The following SPPL3 variants were observed in gnomAD, a reference collection of about 807,000 sequenced individuals.
SPPL3 encodes signal peptide peptidase-like 3.
In SPPL3, 5 loss-of-function variants were observed where a neutral mutation model predicts 42.4. That is an observed-to-expected ratio of 0.12 (90% CI 0.06 to 0.25). SPPL3 has a LOEUF of 0.25. Among genes scored for constraint, SPPL3 ranks in the 10% least tolerant of loss-of-function variants. SPPL3 has a pLI of 1.00. For synonymous variants in SPPL3, 195 were observed against 181.8 expected (o/e 1.07, Z -0.58); for missense variants, 235 against 489.0 (o/e 0.48, Z 4.90).
chr12:120,764,764 C>G lies in SPPL3; in HGVS notation c.*235G>C. The G allele has an allele frequency of 2.1e-6, 1 of 486,458 alleles. No individual in the cohort carries two copies. The highest frequency in any genetic ancestry group is 3.7e-5 in the Admixed American group (1 of 27,214). 30.1% of individuals were successfully genotyped at this position (486,458 alleles called of 1,614,324 possible). A position where few individuals can be genotyped will look rare whatever the true frequency, so the allele number is the denominator to read the frequency against. ...GGGAGGAAGGCGCGCTGGGGAGAGG[C>G]CTGTCCCTCTTGGAAGGGGCCCCAC... On this transcript the variant is annotated 3_prime_UTR_variant, in exon 11 of 11. Transcript: ENST00000353487.
intron 5 of SPPL3, among the ~76,000 whole-genome samples, chr12:120,783,189 T>C (rs1051844768): frequency 6.6e-6 from 1 of 152,242 alleles, no homozygotes; most frequent in Non-Finnish European, 1.5e-5. Context: ...CACCAATGAC[T>C]GGTTTCCTAA....
At chr12:120,794,998 A>G (rs1870051321) in intron 2 of SPPL3, among the ~76,000 whole-genome samples, 1 of 152,192 alleles carries the variant, frequency 6.6e-6, no homozygotes, top group African/African-American at 2.4e-5. Context: ...TAAACTCCTT[A>G]CAATAGTTTA....
intron 2 of SPPL3, among the ~76,000 whole-genome samples, chr12:120,801,600 G>A (rs563080714): frequency 2.0e-5 from 3 of 152,168 alleles, no homozygotes; most frequent in East Asian, 3.9e-4. Context: ...TGCTTGACGC[G>A]CTACATCTTT....
chr12:120,841,327 G>GA (rs937741008), intron 1 of SPPL3, among the ~76,000 whole-genome samples: 8 of 149,704 alleles, frequency 5.3e-5, no homozygotes, highest in African/African-American at 1.7e-4. Context: ...CTCCATCTCA[G>GA]AAAAAAAAAG....
At chr12:120,832,934 T>C (rs1871477372) in intron 1 of SPPL3, among the ~76,000 whole-genome samples, 1 of 152,162 alleles carries the variant, frequency 6.6e-6, no homozygotes, top group Non-Finnish European at 1.5e-5. Flanking sequence ...ACATCAGCAC[T>C]ATGGGGATCT....
chr12:120,784,052 T>C (rs889340544), intron 4 of SPPL3, among the ~76,000 whole-genome samples: 1 of 152,186 alleles, frequency 6.6e-6, no homozygotes, highest in African/African-American at 2.4e-5. Flanking sequence ...AATACTTAGC[T>C]TGAAAACACA....
At chr12:120,853,176 C>A (rs761855377) in intron 1 of SPPL3, among the ~76,000 whole-genome samples, 3 of 152,124 alleles carry the variant, frequency 2.0e-5, no homozygotes, top group African/African-American at 7.2e-5. Context: ...GGATTACAGG[C>A]ATGAGCCACT....
At chr12:120,842,443 TGAA>T (rs1485974632) in intron 1 of SPPL3, among the ~76,000 whole-genome samples, 2 of 152,212 alleles carry the variant, frequency 1.3e-5, no homozygotes, top group African/African-American at 4.8e-5. Context: ...AACATGGTCC[TGAA>T]GAAATTATTT....
chr12:120,836,363 G>C (rs1282763239), intron 1 of SPPL3, among the ~76,000 whole-genome samples: 1 of 152,088 alleles, frequency 6.6e-6, no homozygotes, highest in Non-Finnish European at 1.5e-5. Flanking sequence ...TCTCCTGTTG[G>C]AAAGAGGCCA....
chr12:120,766,092 G>A (rs1485724430), intron 10 of SPPL3, among the ~76,000 whole-genome samples, 171 bp downstream of exon 10: 1 of 95,858 alleles, frequency 1.0e-5, no homozygotes, highest in East Asian at 4.2e-4. Context: ...CCAGGGTAGC[G>A]CGCGCGCGCA....
intron 6 of SPPL3, among the ~76,000 whole-genome samples, chr12:120,778,205 C>T (rs531211126): frequency 3.5e-5 from 5 of 142,644 alleles, no homozygotes; most frequent in African/African-American, 1.0e-4. Flanking sequence ...CAACCTCCAC[C>T]TCCTGGGTTG....
intron 3 of SPPL3, among the ~76,000 whole-genome samples, chr12:120,785,112 A>T (rs1869676769): frequency 6.6e-6 from 1 of 152,116 alleles, no homozygotes; most frequent in Non-Finnish European, 1.5e-5. Flanking sequence ...AAATCAGAAA[A>T]ATTTTATTTG....
chr12:120,892,874 C>T (rs903779928), intron 1 of SPPL3, among the ~76,000 whole-genome samples: 31 of 147,218 alleles, frequency 2.1e-4, no homozygotes, highest in Non-Finnish European at 3.1e-4. Context: ...CCCAGCTACT[C>T]GGGAGGCTGA....
intron 1 of SPPL3, among the ~76,000 whole-genome samples, chr12:120,850,492 T>TAAAAAAAAAAAAA (rs11413210): frequency 8.4e-6 from 1 of 119,394 alleles, no homozygotes; most frequent in African/African-American, 3.0e-5. Flanking sequence ...GACCAGCCTT[T>TAAAAAAAAAAAAA]AAAAAAAAAA....
chr12:120,789,001 C>T lies in SPPL3; in HGVS notation c.190+2468G>A, dbSNP rs77173493. 1.2e-4 allele frequency among the ~76,000 whole-genome samples: 19 copies of T among 152,218 alleles called. 1 individual carries two copies. The East Asian group carries it at 2.3e-3, about 19-fold the overall frequency. On this transcript the variant is annotated intron_variant, in intron 3 of 10. Coordinates refer to ENST00000353487, the MANE Select transcript of SPPL3 (RefSeq NM_139015.5). ...ATTCCATAATCAAGTACTGGTCGGC[C>T]GTCTTTGTAATGGCTTCTTCATTAT...
At chr12:120,767,684 CAA>C in intron 8 of SPPL3, 91 bp from the exon 9 acceptor site, 3 of 1,301,334 alleles carry the variant, frequency 2.3e-6, no homozygotes, top group Non-Finnish European at 3.2e-6. Flanking sequence ...TTTAAGGAGT[CAA>C]AGAGCTTATC....
intron 3 of SPPL3, among the ~76,000 whole-genome samples, chr12:120,786,602 G>A (rs1313344613): frequency 1.3e-5 from 2 of 151,950 alleles, no homozygotes; most frequent in African/African-American, 4.8e-5. Flanking sequence ...AATTACATGC[G>A]AAACTGAATA....
At chr12:120,901,830 T>C in intron 1 of SPPL3, 4 of 915,844 alleles carry the variant, frequency 4.4e-6, no homozygotes, top group Non-Finnish European at 5.2e-6. Context: ...AATCCCTCCT[T>C]AATAGAGCCA....
rs554625972 is a variant in SPPL3, at chr12:120,816,380, A to T, written c.24-5494T>A. ...TACATGGTATTTTATAATTTATACTAAGATCTTAAAAAGTTCTAACAATTT... is the reference window on the plus strand; with the variant it reads ...TACATGGTATTTTATAATTTATACTTAGATCTTAAAAAGTTCTAACAATTT... On this transcript the variant is annotated intron_variant, in intron 1 of 10. Coordinates refer to ENST00000353487, the MANE Select transcript of SPPL3 (RefSeq NM_139015.5). Among the ~76,000 whole-genome samples, 7 of 152,366 alleles carry T rather than the reference A, an allele frequency of 4.6e-5. No homozygotes were observed. The East Asian group carries it at 1.3e-3, about 29-fold the overall frequency.
Sources: allele counts gnomAD v4.1 joint callset (sites outside exome capture counted in the v4.1 genomes callset), GRCh38; gene constraint gnomAD v4.1.1; transcripts MANE v1.5; gene names NCBI Gene and HGNC (gene_info 2026-07-23, HGNC 2026-07-21).